The following NRG1 variants were observed in gnomAD, a reference collection of about 807,000 sequenced individuals.
NRG1 encodes pro-neuregulin-1, membrane-bound isoform.
NRG1 carries 18 observed loss-of-function variants against 63.8 expected under a neutral mutation model. That is an observed-to-expected ratio of 0.28 (90% confidence interval 0.19 to 0.42). NRG1 has a LOEUF of 0.42. NRG1 is among the 10% of genes least tolerant of loss of function. The pLI, the probability that NRG1 is intolerant of heterozygous loss-of-function variation, is 1.00. For synonymous variants in NRG1, 302 were observed against 301.3 expected (o/e 1.00, Z -0.02); for missense variants, 762 against 814.7 (o/e 0.94, Z 0.79).
intron 1 of NRG1, among the ~76,000 whole-genome samples, chr8:31,811,849 G>A (rs910106089): frequency 3.9e-5 from 6 of 152,086 alleles, no homozygotes; most frequent in African/African-American, 1.4e-4. Context: ...ATTGCTAGAT[G>A]GCCCCACTGA....
intron 1 of NRG1, among the ~76,000 whole-genome samples, chr8:32,443,773 T>C (rs1356493449): frequency 6.6e-6 from 1 of 152,172 alleles, no homozygotes; most frequent in Non-Finnish European, 1.5e-5. Context: ...TATATAAATG[T>C]CTTGCATTTA....
chr8:32,440,751 C>T (rs1819433478), intron 1 of NRG1: 1 of 152,110 alleles, frequency 6.6e-6, no homozygotes. Flanking sequence ...ACCATCTAGA[C>T]AGAGGATGAA....
At chr8:32,257,156 G>A (rs1849818522) in intron 1 of NRG1, among the ~76,000 whole-genome samples, 1 of 152,148 alleles carries the variant, frequency 6.6e-6, no homozygotes, top group Non-Finnish European at 1.5e-5. Flanking sequence ...GAGTGTCCCA[G>A]GTGGACTTCA....
chr8:31,782,884 A>C (rs529251092), intron 1 of NRG1, among the ~76,000 whole-genome samples: 1 of 152,054 alleles, frequency 6.6e-6, no homozygotes, highest in African/African-American at 2.4e-5. Flanking sequence ...GAGGAGAAAG[A>C]CTCTAAAGTA....
intron 1 of NRG1, among the ~76,000 whole-genome samples, chr8:32,074,974 G>A (rs1392340379): frequency 6.6e-6 from 1 of 152,136 alleles, no homozygotes; most frequent in Non-Finnish European, 1.5e-5. Flanking sequence ...TCTCAAATAG[G>A]CTACTTTTTT....
intron 1 of NRG1, among the ~76,000 whole-genome samples, chr8:31,793,354 A>C (rs1013072032): frequency 6.6e-6 from 1 of 152,212 alleles, no homozygotes; most frequent in African/African-American, 2.4e-5. Context: ...AAAGAGAAAC[A>C]CCTGATAGAA....
At chr8:31,741,000 A>G (rs1815215286) in intron 1 of NRG1, among the ~76,000 whole-genome samples, 1 of 152,098 alleles carries the variant, frequency 6.6e-6, no homozygotes, top group Non-Finnish European at 1.5e-5. Context: ...TGGATAAAGA[A>G]AATGTGGTAC....
chr8:32,469,709 G>A (rs1823530347), intron 1 of NRG1, among the ~76,000 whole-genome samples: 1 of 152,302 alleles, frequency 6.6e-6, no homozygotes, highest in African/African-American at 2.4e-5. Context: ...AGACCCTCAA[G>A]ATTCTAATCT....
At chr8:32,733,346 A>C (rs1013592537) in intron 6 of NRG1, among the ~76,000 whole-genome samples, 28 of 152,190 alleles carry the variant, frequency 1.8e-4, no homozygotes, top group African/African-American at 6.3e-4. Context: ...GTAGGGCCTT[A>C]TTATATTATA....
intron 1 of NRG1, among the ~76,000 whole-genome samples, chr8:32,429,380 C>T (rs1817842720): frequency 6.6e-6 from 1 of 152,178 alleles, no homozygotes; most frequent in African/African-American, 2.4e-5. Context: ...TAATCACAGT[C>T]TCCTTTTACC....
At chr8:32,326,733 A>AT (rs1422888566) in intron 1 of NRG1, among the ~76,000 whole-genome samples, 2 of 152,142 alleles carry the variant, frequency 1.3e-5, no homozygotes. Context: ...CTAAAACTGA[A>AT]TTTTTAAAAA....
At chr8:32,151,334 A>G (rs867491137) in intron 1 of NRG1, among the ~76,000 whole-genome samples, 1 of 152,322 alleles carries the variant, frequency 6.6e-6, no homozygotes, top group Admixed American at 6.5e-5. Context: ...CACTGAACAG[A>G]GAAGCTAAAA....
At chr8:32,141,272 A>G (rs1462578398) in intron 1 of NRG1, among the ~76,000 whole-genome samples, 2 of 152,020 alleles carry the variant, frequency 1.3e-5, no homozygotes, top group Non-Finnish European at 2.9e-5. Flanking sequence ...GCGATAAAGT[A>G]GTCATTGTAT....
chr8:32,296,702 C>G (rs1854926239), intron 1 of NRG1, among the ~76,000 whole-genome samples: 1 of 150,000 alleles, frequency 6.7e-6, no homozygotes, highest in Admixed American at 6.6e-5. Flanking sequence ...TAGTGCAAAA[C>G]ATATACATAT....
intron 1 of NRG1, among the ~76,000 whole-genome samples, chr8:32,374,376 A>C (rs983877894): frequency 2.6e-5 from 4 of 152,170 alleles, no homozygotes; most frequent in African/African-American, 4.8e-5. Context: ...TTACATCATA[A>C]AGAGATCATT....
chr8:31,958,355 T>G (rs1166498441), intron 1 of NRG1, among the ~76,000 whole-genome samples: 5 of 152,194 alleles, frequency 3.3e-5, no homozygotes, highest in Admixed American at 3.3e-4. Context: ...TGTTACCTCC[T>G]GGCCTTCTGC....
chr8:32,653,414 T>G (rs1305745353), intron 5 of NRG1, among the ~76,000 whole-genome samples: 1 of 152,042 alleles, frequency 6.6e-6, no homozygotes, highest in Non-Finnish European at 1.5e-5. Context: ...CTTAATATGT[T>G]TTCTTCTCCA....
intron 1 of NRG1, among the ~76,000 whole-genome samples, chr8:32,238,445 GAAAA>G (rs111889956): frequency 9.4e-6 from 1 of 106,412 alleles, no homozygotes; most frequent in Non-Finnish European, 2.1e-5. Context: ...TTCTCAAAAA[GAAAA>G]AAAAAAAAAA....
intron 1 of NRG1, among the ~76,000 whole-genome samples, chr8:32,230,830 G>A (rs1254880316): frequency 6.6e-6 from 1 of 151,900 alleles, no homozygotes; most frequent in Non-Finnish European, 1.5e-5. Context: ...CGGGGCAATT[G>A]GGGTGTCCAT....
Sources: gnomAD v4.1 joint callset for allele counts (sites outside exome capture counted in the v4.1 genomes callset) on GRCh38, gnomAD v4.1.1 for gene constraint, MANE v1.5 for transcripts, NCBI Gene and HGNC (gene_info 2026-07-23, HGNC 2026-07-21) for gene names.